METTL15: variants seen among roughly 807,000 people sequenced by gnomAD.
The protein encoded by METTL15 is 12S rRNA N(4)-cytidine methyltransferase METTL15.
A neutral mutation model predicts 38.3 loss-of-function variants in METTL15; 34 were observed. The observed-to-expected ratio is 0.89, with a 90% confidence interval of 0.68 to 1.18. METTL15 has a LOEUF of 1.18. METTL15 is among the 50% of genes most tolerant of loss of function. METTL15 has a pLI of 0.00. For synonymous variants in METTL15, 162 were observed against 170.9 expected, an observed-to-expected ratio of 0.95 and a Z score of 0.41; for missense variants, 438 against 498.4, an observed-to-expected ratio of 0.88 and a Z score of 1.15.
chr11:28,435,821 C>T (rs767483986), intron 6 of METTL15, among the ~76,000 whole-genome samples: 1 of 152,174 alleles, frequency 6.6e-6, no homozygotes, highest in East Asian at 1.9e-4. Context: ...AATTCCTTCA[C>T]GGATCTTCAA....
At chr11:28,509,106 A>C (rs1009976984) in intron 6 of METTL15, among the ~76,000 whole-genome samples, 1 of 152,168 alleles carries the variant, frequency 6.6e-6, no homozygotes, top group African/African-American at 2.4e-5. Context: ...CAGGTTTGCA[A>C]TTTCTATGCT....
rs1422090603 is a variant in METTL15, at chr11:28,255,233, T to C, written c.408-34973T>C. ...TAATTTTATTTATAGCTGTTATAAATTGGATTACTTTCTTGATTTCTTTTT... is the reference window on the plus strand; with the variant it reads ...TAATTTTATTTATAGCTGTTATAAACTGGATTACTTTCTTGATTTCTTTTT... On this transcript the variant is annotated intron_variant, in intron 4 of 6. Coordinates refer to ENST00000407364, the MANE Select transcript of METTL15 (RefSeq NM_001113528.2). 2.0e-5 allele frequency among the ~76,000 whole-genome samples: 3 copies of C among 152,174 alleles called. No homozygotes were observed. The South Asian group carries it at 6.2e-4, about 31-fold the overall frequency.
At chr11:28,391,680 T>C (rs1445581415) in intron 5 of METTL15, among the ~76,000 whole-genome samples, 2 of 152,072 alleles carry the variant, frequency 1.3e-5, no homozygotes, top group Admixed American at 6.6e-5. Context: ...AACTATCTGA[T>C]CTTTGGCAAA....
intron 6 of METTL15, among the ~76,000 whole-genome samples, chr11:28,461,347 T>TAGTC (rs1419820528): frequency 6.6e-6 from 1 of 152,114 alleles, no homozygotes; most frequent in Admixed American, 6.6e-5. Flanking sequence ...TTTTATTGAA[T>TAGTC]AGTCCACTAG....
intron 3 of METTL15, among the ~76,000 whole-genome samples, chr11:28,118,117 T>G (rs1213392431): frequency 6.6e-6 from 1 of 152,072 alleles, no homozygotes; most frequent in Non-Finnish European, 1.5e-5. Flanking sequence ...ATTCTCCAGA[T>G]GAAACTTTTG....
chr11:28,401,733 A>G (rs1211238868), intron 5 of METTL15, among the ~76,000 whole-genome samples: 1 of 151,928 alleles, frequency 6.6e-6, no homozygotes, highest in Admixed American at 6.6e-5. Flanking sequence ...TTGGCTAGTT[A>G]AGAGTGACTA....
At chr11:28,218,347 T>C (rs547435309) in intron 4 of METTL15, among the ~76,000 whole-genome samples, 3 of 152,310 alleles carry the variant, frequency 2.0e-5, no homozygotes, top group Non-Finnish European at 2.9e-5. Context: ...ACTCATGATT[T>C]GGCTCTGTGT....
intron 5 of METTL15, among the ~76,000 whole-genome samples, chr11:28,381,080 T>TC (rs1850378390): frequency 6.6e-6 from 1 of 152,160 alleles, no homozygotes; most frequent in African/African-American, 2.4e-5. Context: ...AGCCTTGAAC[T>TC]CCTAGGCTAA....
At chr11:28,133,204 C>T (rs1035759773) in intron 3 of METTL15, among the ~76,000 whole-genome samples, 1 of 152,000 alleles carries the variant, frequency 6.6e-6, no homozygotes, top group Non-Finnish European at 1.5e-5. Context: ...TTTAAAATGT[C>T]TCTTGGAATA....
intron 6 of METTL15, among the ~76,000 whole-genome samples, chr11:28,451,858 C>A (rs1182800612): frequency 6.6e-6 from 1 of 152,150 alleles, no homozygotes; most frequent in Non-Finnish European, 1.5e-5. Context: ...CCTTACATTG[C>A]AGTGATAGAA....
At chr11:28,129,947 A>G (rs753960332) in intron 3 of METTL15, among the ~76,000 whole-genome samples, 8 of 152,102 alleles carry the variant, frequency 5.3e-5, no homozygotes, top group African/African-American at 1.7e-4. Flanking sequence ...GATCACCTAA[A>G]TCTATAATTG....
At chr11:28,514,592 C>T (rs942944551) in intron 6 of METTL15, among the ~76,000 whole-genome samples, 17 of 152,280 alleles carry the variant, frequency 1.1e-4, no homozygotes, top group African/African-American at 3.4e-4. Flanking sequence ...ATTCATCCCC[C>T]GCACTTACAA....
chr11:28,108,830 A>AT (rs1157128749), intron 1 of METTL15, among the ~76,000 whole-genome samples: 13 of 152,126 alleles, frequency 8.5e-5, no homozygotes, highest in South Asian at 2.1e-4. Flanking sequence ...AGGTGAAGTG[A>AT]TTTTTTTTAA....
chr11:28,235,531 A>G (rs1853916087), intron 4 of METTL15, among the ~76,000 whole-genome samples: 1 of 152,074 alleles, frequency 6.6e-6, no homozygotes, highest in African/African-American at 2.4e-5. Context: ...CGTCCCTTGT[A>G]AGTTGGATTC....
At chr11:28,212,702 A>T (rs2133843508) in intron 4 of METTL15, among the ~76,000 whole-genome samples, 1 of 152,316 alleles carries the variant, frequency 6.6e-6, no homozygotes, top group Non-Finnish European at 1.5e-5. Flanking sequence ...CAAGAAGAAA[A>T]AAGTTTTGTA....
intron 4 of METTL15, among the ~76,000 whole-genome samples, chr11:28,251,908 CT>C: frequency 6.6e-6 from 1 of 152,044 alleles, no homozygotes; most frequent in East Asian, 1.9e-4. Flanking sequence ...AACTTCCTTC[CT>C]TTTTCTTCCT....
At position 28,422,345 on chromosome 11, in the gene METTL15, A is replaced by G. The variant is rs939259982; in HGVS notation, c.*359-1954A>G. ...AGAAATAGAAAAAAACAATCCTAAA[A>G]TTTATGTGGAACTACAAAAGACCCA... is the stretch of plus-strand genomic sequence containing the variant. On this transcript the variant is annotated intron_variant and NMD_transcript_variant, in intron 5 of 7. Coordinates refer to the METTL15 transcript ENST00000532947. 2.0e-5 allele frequency among the ~76,000 whole-genome samples: 3 copies of G among 152,168 alleles called. No individual in the cohort carries two copies. In the South Asian group the frequency reaches 6.2e-4, roughly 32 times the overall value.
chr11:28,189,822 G>A (rs574860802), intron 3 of METTL15, among the ~76,000 whole-genome samples: 4 of 151,060 alleles, frequency 2.6e-5, no homozygotes, highest in Non-Finnish European at 5.9e-5. Flanking sequence ...CATTGTAATC[G>A]AAATTTCAAC....
intron 6 of METTL15, among the ~76,000 whole-genome samples, chr11:28,442,293 C>G (rs2133441491): frequency 6.6e-6 from 1 of 152,262 alleles, no homozygotes; most frequent in East Asian, 1.9e-4. Flanking sequence ...GCTTTAATGT[C>G]TACCTTCAAA....
Sources: allele counts gnomAD v4.1 joint callset (sites outside exome capture counted in the v4.1 genomes callset), GRCh38; gene constraint gnomAD v4.1.1; transcripts MANE v1.5; gene names NCBI Gene and HGNC (gene_info 2026-07-23, HGNC 2026-07-21).